PKN2: variants seen among roughly 807,000 people sequenced by gnomAD.
PKN2 encodes serine/threonine-protein kinase N2.
A neutral mutation model predicts 119.1 loss-of-function variants in PKN2; 38 were observed. That is an observed-to-expected ratio of 0.32 (90% CI 0.25 to 0.42). The LOEUF (loss-of-function observed/expected upper bound fraction) is 0.42, where lower values mean the gene tolerates loss of function less well. PKN2 is among the 10% of genes least tolerant of loss of function. The probability of loss-of-function intolerance (pLI) is 1.00; values close to 1 mark genes in which losing one functional copy is unlikely to be tolerated. For synonymous variants in PKN2, 390 were observed against 384.9 expected, an observed-to-expected ratio of 1.01 and a Z score of -0.15; for missense variants, 850 against 1,165.1, an observed-to-expected ratio of 0.73 and a Z score of 3.94.
At chr1:88,754,085 T>A (rs1669106759) in intron 2 of PKN2, among the ~76,000 whole-genome samples, 1 of 152,170 alleles carries the variant, frequency 6.6e-6, no homozygotes. Context: ...CCCCTATATG[T>A]TTATGCTTGG....
intron 6 of PKN2, among the ~76,000 whole-genome samples, chr1:88,774,621 GT>G (rs577620806): frequency 6.2e-4 from 91 of 145,888 alleles, no homozygotes; most frequent in South Asian, 3.3e-3. Context: ...CATTTTGCGG[GT>G]TTTTTTTTTT....
rs145835594 is a variant in PKN2, at chr1:88,833,712, G to A, written c.*264G>A. 2.7e-6 allele frequency: 1 copy of A among 367,184 alleles called. No individual in the cohort carries two copies. Among genetic ancestry groups the A allele is most frequent in the Non-Finnish European group, 4.9e-6 (1 of 205,234 alleles). 22.7% of individuals were successfully genotyped at this position (367,184 alleles called of 1,614,324 possible). On this transcript the variant is annotated 3_prime_UTR_variant, in exon 22 of 22. Transcript: ENST00000370521. ...AACATCGGCCATGAAAATCCATCAC[G>A]AATACTTTTGGATCAATAGTCTATT...
intron 1 of PKN2, among the ~76,000 whole-genome samples, chr1:88,730,151 C>T (rs893518045): frequency 6.6e-6 from 1 of 150,510 alleles, no homozygotes; most frequent in Non-Finnish European, 1.5e-5. Flanking sequence ...GGCGACAGAA[C>T]GAGACTCCGT....
At chr1:88,819,075 C>T (rs1421586939) in intron 16 of PKN2, among the ~76,000 whole-genome samples, 1 of 151,842 alleles carries the variant, frequency 6.6e-6, no homozygotes, top group African/African-American at 2.4e-5. Flanking sequence ...ACCATAAAAA[C>T]CCTAGAAGAA....
chr1:88,715,436 A>T (rs564048051), intron 1 of PKN2, among the ~76,000 whole-genome samples: 47 of 152,148 alleles, frequency 3.1e-4, no homozygotes, highest in African/African-American at 9.6e-4. Context: ...TCATTTCCTC[A>T]ATTTCAGAGT....
intron 2 of PKN2, among the ~76,000 whole-genome samples, chr1:88,750,737 G>C (rs1383074119): frequency 6.6e-6 from 1 of 152,042 alleles, no homozygotes; most frequent in Admixed American, 6.6e-5. Context: ...TGCCCCGTTA[G>C]TGCATGACCC....
At chr1:88,736,101 A>C (rs76540362) in intron 1 of PKN2, among the ~76,000 whole-genome samples, 10 of 152,164 alleles carry the variant, frequency 6.6e-5, no homozygotes, top group Admixed American at 5.9e-4. Flanking sequence ...TGTATCTGAT[A>C]GATTCTGCTG....
At chr1:88,793,210 G>A (rs141766901) in intron 8 of PKN2, among the ~76,000 whole-genome samples, 43 of 152,270 alleles carry the variant, frequency 2.8e-4, no homozygotes, top group Middle Eastern at 6.8e-3. Context: ...GTAAGTGTTT[G>A]TGTGTAAGTT....
At position 88,804,740 on chromosome 1, in the gene PKN2, G is replaced by A. The variant is rs539574262; in HGVS notation, c.1426-106G>A. The A allele has an allele frequency of 4.4e-5, 33 of 755,144 alleles. No individual in the cohort carries two copies. The Admixed American group carries it at 4.9e-4, about 11-fold the overall frequency. 46.8% of individuals were successfully genotyped at this position (755,144 alleles called of 1,614,324 possible). A position where few individuals can be genotyped will look rare whatever the true frequency, so the allele number is the denominator to read the frequency against. On this transcript the variant is annotated intron_variant, in intron 9 of 21. Coordinates refer to ENST00000370521, the MANE Select transcript of PKN2 (RefSeq NM_006256.4). ...TTTCTCATGTAGAAAATGAGGGGCT[G>A]GACTAAACTGTAACTAAGATTCTCT...
In PKN2 at chr1:88,795,106, C is replaced by G. The variant is rs529348931; in HGVS notation, c.1281+8893C>G. Among the ~76,000 whole-genome samples the G allele has an allele frequency of 2.0e-5, 3 of 152,284 alleles. No individual in the cohort carries two copies. The East Asian group carries it at 5.8e-4, about 29-fold the overall frequency. On this transcript the variant is annotated intron_variant, in intron 8 of 21. Coordinates refer to ENST00000370521, the MANE Select transcript of PKN2 (RefSeq NM_006256.4). ...CTGTCTCTTCAAGTTTTCTACCCCA[C>G]GTCAGACTCCTTTGCTTTTGTTTTA...
intron 1 of PKN2, among the ~76,000 whole-genome samples, chr1:88,686,790 T>G (rs1318630077): frequency 6.6e-6 from 1 of 152,154 alleles, no homozygotes; most frequent in Non-Finnish European, 1.5e-5. Flanking sequence ...AAACTTAGTG[T>G]ACAGCAACCA....
At chr1:88,728,598 C>T (rs1372327477) in intron 1 of PKN2, among the ~76,000 whole-genome samples, 1 of 152,022 alleles carries the variant, frequency 6.6e-6, no homozygotes, top group African/African-American at 2.4e-5. Context: ...AACTACTGTA[C>T]TTTCGTTGAT....
Position 88,833,523 on chromosome 1 carries a change from G to C in PKN2, c.*75G>C, listed in dbSNP as rs966424051. On this transcript the variant is annotated 3_prime_UTR_variant, in exon 22 of 22. Transcript: ENST00000370521. ...AATAGCAACCCTTCATTTGCTCTCT[G>C]TGCCACCAATAGCTTCTGAGTTTTT... is the stretch of plus-strand genomic sequence containing the variant. The C allele has an allele frequency of 2.7e-6, 3 of 1,112,576 alleles. No individual in the cohort carries two copies. Among genetic ancestry groups the C allele is most frequent in the Non-Finnish European group, 4.0e-6 (3 of 743,840 alleles). 68.9% of individuals were successfully genotyped at this position (1,112,576 alleles called of 1,614,324 possible). A position where few individuals can be genotyped will look rare whatever the true frequency, so the allele number is the denominator to read the frequency against.
At chr1:88,789,688 TAATAAC>T (rs1482248758) in intron 8 of PKN2, among the ~76,000 whole-genome samples, 7 of 150,130 alleles carry the variant, frequency 4.7e-5, no homozygotes, top group South Asian at 2.1e-4. Context: ...ATAATAATAA[TAATAAC>T]AACAACAAAA....
intron 6 of PKN2, among the ~76,000 whole-genome samples, 183 bp downstream of exon 6, chr1:88,772,062 A>G (rs1182573205): frequency 2.0e-5 from 3 of 152,318 alleles, no homozygotes; most frequent in African/African-American, 4.8e-5. Flanking sequence ...TATATTCACA[A>G]TATTGTGTGA....
chr1:88,755,238 A>C (rs1669151551), intron 2 of PKN2, among the ~76,000 whole-genome samples: 1 of 152,158 alleles, frequency 6.6e-6, no homozygotes, highest in Non-Finnish European at 1.5e-5. Flanking sequence ...TAAGAAATAT[A>C]CTGGCAACTG....
chr1:88,770,908 G>C (rs1436589899), intron 4 of PKN2, among the ~76,000 whole-genome samples: 1 of 146,752 alleles, frequency 6.8e-6, no homozygotes, highest in Admixed American at 6.8e-5. Context: ...TTAATCTTGA[G>C]TTTTAGACTC....
At chr1:88,759,617 G>C (rs1669357246) in intron 2 of PKN2, among the ~76,000 whole-genome samples, 1 of 152,184 alleles carries the variant, frequency 6.6e-6, no homozygotes, top group Non-Finnish European at 1.5e-5. Flanking sequence ...CTCCCATTCT[G>C]TAGGTTGTCT....
In PKN2 at chr1:88,753,019, T is replaced by G. The variant is rs539164749; in HGVS notation, c.350-7203T>G. Among the ~76,000 whole-genome samples the G allele has an allele frequency of 2.6e-5, 4 of 152,266 alleles. No individual in the cohort carries two copies. In the South Asian group the frequency reaches 8.3e-4, roughly 32 times the overall value. On this transcript the variant is annotated intron_variant, in intron 2 of 21. Transcript: ENST00000370521. ...ATCAATTATTAAAAGTTCGATTGTT[T>G]TGGAAATTGATTCATTTAGATAGTA...
Sources: gnomAD v4.1 joint callset for allele counts (sites outside exome capture counted in the v4.1 genomes callset) on GRCh38, gnomAD v4.1.1 for gene constraint, MANE v1.5 for transcripts, NCBI Gene and HGNC (gene_info 2026-07-23, HGNC 2026-07-21) for gene names.